TLL2: variants seen among roughly 807,000 people sequenced by gnomAD.
The protein encoded by TLL2 is tolloid like 2.
A neutral mutation model predicts 123.0 loss-of-function variants in TLL2; 106 were observed. That is an observed-to-expected ratio of 0.86 (90% CI 0.74 to 1.01). The LOEUF (loss-of-function observed/expected upper bound fraction) is 1.01, where lower values mean the gene tolerates loss of function less well. Ranked by LOEUF, TLL2 falls within the 50% of genes least tolerant of loss-of-function variation. TLL2 has a pLI of 0.00. For synonymous variants in TLL2, 494 were observed against 516.8 expected (o/e 0.96, Z 0.60); for missense variants, 1,332 against 1,336.7 (o/e 1.00, Z 0.06).
At chr10:96,496,543 G>A (rs573001915) in intron 1 of TLL2, among the ~76,000 whole-genome samples, 1 of 152,282 alleles carries the variant, frequency 6.6e-6, no homozygotes, top group East Asian at 1.9e-4. Flanking sequence ...ATGAGCCAAG[G>A]GGGTCTGGCT....
Position 96,462,503 on chromosome 10 carries a change from A to G in TLL2, c.287-16335T>C, listed in dbSNP as rs1377992372. The stretch of plus-strand genomic sequence containing the variant: ...GTCCAAGTTCACTAAACTAGTGAAC[A>G]CCTAACCATTGCTCCCAGGAGATCA... On this transcript the variant is annotated intron_variant, in intron 2 of 20. Transcript: ENST00000357947. Among the ~76,000 whole-genome samples, 4 of 152,226 alleles carry G rather than the reference A, an allele frequency of 2.6e-5. No homozygotes were observed. In the East Asian group the frequency reaches 7.7e-4, roughly 29 times the overall value.
intron 3 of TLL2, among the ~76,000 whole-genome samples, chr10:96,434,894 C>T (rs1047259965): frequency 3.9e-5 from 6 of 152,014 alleles, no homozygotes; most frequent in African/African-American, 1.5e-4. Flanking sequence ...TGGTGTGAAG[C>T]GGAATCTCAT....
At chr10:96,418,714 T>C (rs1846589870) in intron 7 of TLL2, among the ~76,000 whole-genome samples, 2 of 148,018 alleles carry the variant, frequency 1.4e-5, no homozygotes, top group African/African-American at 4.9e-5. Flanking sequence ...AATATATATG[T>C]ATATATAAAT....
intron 7 of TLL2, among the ~76,000 whole-genome samples, chr10:96,419,386 AGCTGCCCCTAATTACT>A (rs1225717838): frequency 1.3e-5 from 2 of 152,186 alleles, no homozygotes; most frequent in African/African-American, 4.8e-5. Flanking sequence ...ACCATCACAC[AGCTGCCCCTAATTACT>A]GTCTGCCTCC....
chr10:96,424,808 G>T (rs1019104180), intron 5 of TLL2, among the ~76,000 whole-genome samples: 11 of 151,846 alleles, frequency 7.2e-5, no homozygotes, highest in African/African-American at 2.7e-4. Context: ...TTTAATGTTA[G>T]TATTACAAAA....
chr10:96,381,677 A>G (rs1846188250), intron 16 of TLL2, among the ~76,000 whole-genome samples: 1 of 152,032 alleles, frequency 6.6e-6, no homozygotes, highest in South Asian at 2.1e-4. Context: ...AGCCCACCCC[A>G]CAGTGCTCCA....
Position 96,367,471 on chromosome 10 carries a change from G to C in TLL2, c.*617C>G, listed in dbSNP as rs1846039916. On this transcript the variant is annotated 3_prime_UTR_variant, in exon 21 of 21. Coordinates refer to ENST00000357947, the MANE Select transcript of TLL2 (RefSeq NM_012465.4). ...AGGAGAGTGAATGACTCTGAGAAAT[G>C]GCTTTGTGGTCTCCTAACTTCATGA... is the stretch of plus-strand genomic sequence containing the variant. The C allele has an allele frequency of 1.3e-5, 2 of 152,578 alleles. No individual in the cohort carries two copies. Among genetic ancestry groups the C allele is most frequent in the African/African-American group, 4.8e-5 (2 of 41,572 alleles). 9.5% of individuals were successfully genotyped at this position (152,578 alleles called of 1,614,324 possible).
At position 96,513,451 on chromosome 10, in the gene TLL2, C is replaced by A. The variant is rs115652631; in HGVS notation, c.175+60G>T. ...ATAGACGGTAGTGCAGGCTTGCCCACCACCTCATTTGCATTTCAAAGGCAA... is the reference window on the plus strand; with the variant it reads ...ATAGACGGTAGTGCAGGCTTGCCCAACACCTCATTTGCATTTCAAAGGCAA... On this transcript the variant is annotated intron_variant, in intron 1 of 20. Transcript: ENST00000357947. The A allele has an allele frequency of 3.8e-3, 6,065 of 1,603,602 alleles. 227 individuals carry two copies. The African/African-American group carries it at 0.072, about 19-fold the overall frequency.
At chr10:96,402,951 A>G (rs1406012653) in intron 10 of TLL2, among the ~76,000 whole-genome samples, 1 of 152,090 alleles carries the variant, frequency 6.6e-6, no homozygotes, top group Non-Finnish European at 1.5e-5. Flanking sequence ...ACCCGATACC[A>G]GCTCACTCTC....
Position 96,510,127 on chromosome 10 carries a change from C to T in TLL2, c.175+3384G>A, listed in dbSNP as rs1040616271. Among the ~76,000 whole-genome samples the T allele has an allele frequency of 2.0e-5, 3 of 152,142 alleles. No individual in the cohort carries two copies. In the South Asian group the frequency reaches 6.2e-4, roughly 32 times the overall value. ...AGGCGGGGCAGGGTCAAGATAAGAA[C>T]CTAGGCCTTCTGACTTGAAATCAGC... On this transcript the variant is annotated intron_variant, in intron 1 of 20. Coordinates refer to ENST00000357947, the MANE Select transcript of TLL2 (RefSeq NM_012465.4).
intron 3 of TLL2, among the ~76,000 whole-genome samples, chr10:96,442,774 TTG>T (rs71938854): frequency 0.034 from 5,228 of 152,312 alleles, 119 homozygotes; most frequent in Middle Eastern, 0.088. Flanking sequence ...TCCTCTGTAA[TTG>T]TGTTTCTATG....
At chr10:96,405,526 G>A (rs1846441381) in intron 9 of TLL2, among the ~76,000 whole-genome samples, 192 bp from the exon 10 acceptor site, 2 of 152,170 alleles carry the variant, frequency 1.3e-5, no homozygotes, top group African/African-American at 4.8e-5. Context: ...AGCAGGATGG[G>A]GAGTAAACAG....
chr10:96,430,361 A>T (rs1846725533), intron 4 of TLL2, among the ~76,000 whole-genome samples: 1 of 152,204 alleles, frequency 6.6e-6, no homozygotes, highest in South Asian at 2.1e-4. Flanking sequence ...AAGCTTCCTG[A>T]GGCCTCACCA....
chr10:96,404,477 T>C (rs963269944), intron 10 of TLL2, among the ~76,000 whole-genome samples: 13 of 152,192 alleles, frequency 8.5e-5, no homozygotes, highest in Non-Finnish European at 1.9e-4. Flanking sequence ...ATAACCAGTG[T>C]GTTATTTATG....
chr10:96,467,540 A>T (rs1847142528), intron 2 of TLL2, among the ~76,000 whole-genome samples: 1 of 152,160 alleles, frequency 6.6e-6, no homozygotes, highest in Non-Finnish European at 1.5e-5. Flanking sequence ...GCCATAAAAG[A>T]TCTTTTATTT....
intron 10 of TLL2, among the ~76,000 whole-genome samples, chr10:96,404,157 G>T (rs1334089522): frequency 6.6e-6 from 1 of 152,072 alleles, no homozygotes; most frequent in Non-Finnish European, 1.5e-5. Flanking sequence ...CGGTCCCCTG[G>T]GCCCACTGTT....
intron 9 of TLL2, among the ~76,000 whole-genome samples, chr10:96,408,492 AC>A (rs1261230819): frequency 6.6e-6 from 1 of 152,192 alleles, no homozygotes; most frequent in Admixed American, 6.5e-5. Context: ...CACAGTTCAA[AC>A]ATATCACACA....
chr10:96,379,005 C>T lies in TLL2; in HGVS notation c.2282G>A (p.Gly761Asp). The change falls in exon 17 of 21, where the codon GGC becomes GAC. Residue 761 changes from glycine to aspartate, a missense_variant. By Grantham distance (94) the Gly-to-Asp change is moderately conservative (BLOSUM62 -1). Coordinates refer to ENST00000357947, the MANE Select transcript of TLL2 (RefSeq NM_012465.4). ...ATGCCCATTCTCGTGGAGCCAGTAG[C>T]CGTTTCTGCACCTGCACAGGTAGCT... is the stretch of plus-strand genomic sequence containing the variant. ...FGSYLCRCRNGYWLHENGHDC... is the reference protein window; with the variant it reads ...FGSYLCRCRNDYWLHENGHDC... 1.2e-6 allele frequency: 2 copies of T among 1,614,244 alleles called. No individual in the cohort carries two copies. Among genetic ancestry groups the T allele is most frequent in the Non-Finnish European group, 8.5e-7 (1 of 1,180,036 alleles).
intron 1 of TLL2, among the ~76,000 whole-genome samples, chr10:96,496,409 A>G (rs973266535): frequency 4.6e-5 from 7 of 152,234 alleles, no homozygotes; most frequent in African/African-American, 9.6e-5. Flanking sequence ...GTTAAAGGTC[A>G]GTCAGGACCT....
Sources: gnomAD v4.1 joint callset for allele counts (sites outside exome capture counted in the v4.1 genomes callset) on GRCh38, gnomAD v4.1.1 for gene constraint, MANE v1.5 for transcripts, NCBI Gene and HGNC (gene_info 2026-07-23, HGNC 2026-07-21) for gene names.